The following UBXN8 variants were observed in gnomAD, a reference collection of about 807,000 sequenced individuals.
The protein encoded by UBXN8 is UBX domain protein 8.
UBXN8 carries 27 observed loss-of-function variants against 32.1 expected under a neutral mutation model. The observed-to-expected ratio is 0.84, with a 90% CI of 0.62 to 1.16. The LOEUF is 1.16. Among genes scored for constraint, UBXN8 ranks in the 50% most tolerant of loss-of-function variants. The pLI is 0.00. For missense variants in UBXN8, 306 were observed against 311.4 expected (o/e 0.98, Z 0.13); for synonymous variants, 109 against 111.8 (o/e 0.98, Z 0.16).
chr8:30,763,110 T>G (rs931500644), intron 6 of UBXN8, 163 bp from the exon 7 acceptor site: 2 of 654,582 alleles, frequency 3.1e-6, no homozygotes, highest in Admixed American at 5.6e-5. Context: ...CCTCCCAAAG[T>G]CCTGGGATTA....
chr8:30,757,453 G>T (rs1404384589), intron 5 of UBXN8, among the ~76,000 whole-genome samples: 3 of 152,132 alleles, frequency 2.0e-5, no homozygotes, highest in African/African-American at 7.2e-5. Flanking sequence ...TGAGGAGGCT[G>T]AGACAGGAGA....
At chr8:30,756,663 A>G in intron 4 of UBXN8, 102 bp from the exon 5 acceptor site, 1 of 1,505,822 alleles carries the variant, frequency 6.6e-7, no homozygotes, top group Non-Finnish European at 8.9e-7. Flanking sequence ...TTTTCTACTG[A>G]TATGCCATCA....
At chr8:30,764,155 T>A (rs1013447488) in intron 7 of UBXN8, among the ~76,000 whole-genome samples, 1 of 152,234 alleles carries the variant, frequency 6.6e-6, no homozygotes, top group African/African-American at 2.4e-5. Context: ...TATAATTATG[T>A]GTGCATTAAA....
intron 6 of UBXN8, among the ~76,000 whole-genome samples, chr8:30,762,381 GT>G (rs869101859): frequency 1.2e-5 from 1 of 83,072 alleles, no homozygotes; most frequent in African/African-American, 3.3e-5. Flanking sequence ...TGATGGGAAA[GT>G]TTTTTGTTTT....
intron 1 of UBXN8, among the ~76,000 whole-genome samples, chr8:30,748,258 T>A (rs1464474650): frequency 2.0e-5 from 3 of 151,768 alleles, no homozygotes; most frequent in African/African-American, 7.3e-5. Context: ...CCTGAGTAGC[T>A]GGGACTACAG....
At chr8:30,733,328 C>G (rs917940029) in intron 1 of UBXN8, 4 of 152,244 alleles carry the variant, frequency 2.6e-5, no homozygotes, top group African/African-American at 9.6e-5. Context: ...TAAACATTTA[C>G]ACTGACTCTT....
chr8:30,733,539 G>A (rs748486786), intron 1 of UBXN8, among the ~76,000 whole-genome samples: 1 of 152,158 alleles, frequency 6.6e-6, no homozygotes, highest in Admixed American at 6.5e-5. Flanking sequence ...GAATTCCCAC[G>A]CTGACTTAGA....
chr8:30,740,755 T>G (rs1805181581), upstream of UBXN8, among the ~76,000 whole-genome samples: 1 of 151,776 alleles, frequency 6.6e-6, no homozygotes, highest in Non-Finnish European at 1.5e-5. Flanking sequence ...AACTTACAGC[T>G]TAACAATCAC....
intron 5 of UBXN8, among the ~76,000 whole-genome samples, chr8:30,757,603 G>C (rs965420725): frequency 6.6e-6 from 1 of 151,532 alleles, no homozygotes; most frequent in African/African-American, 2.4e-5. Context: ...GCTCATGCCT[G>C]TAATCCCAGT....
chr8:30,754,926 C>CACAA, intron 4 of UBXN8, 139 bp downstream of exon 4: 1 of 938,078 alleles, frequency 1.1e-6, no homozygotes. Context: ...GTTCAGCATA[C>CACAA]TTGTTTATTA....
Position 30,754,714 on chromosome 8 carries a change from T to A in UBXN8, c.332T>A (p.Leu111Ter), listed in dbSNP as rs776672668. Reference sequence around the variant, plus strand: ...TTAAAACCTCACCAGGAAATGAAATTGAGAAAACTGGAGGAGCGCTTTTAT... The same window carrying A: ...TTAAAACCTCACCAGGAAATGAAATAGAGAAAACTGGAGGAGCGCTTTTAT... ...NVLKPHQEMK[L>*]RKLEERFYQM... Residue 111 changes from leucine (L) to a stop codon, truncating the protein, a stop_gained, in exon 4 of 8, where the codon TTG (leucine) becomes TAG (stop). Coordinates refer to ENST00000265616, the MANE Select transcript of UBXN8 (RefSeq NM_005671.4). LOFTEE classifies it high-confidence loss of function. The A allele has an allele frequency of 6.4e-7, 1 of 1,562,764 alleles. No individual in the cohort carries two copies. Among genetic ancestry groups the A allele is most frequent in the Non-Finnish European group, 8.6e-7 (1 of 1,164,748 alleles).
At chr8:30,757,831 G>C (rs1256656763) in intron 5 of UBXN8, among the ~76,000 whole-genome samples, 2 of 148,222 alleles carry the variant, frequency 1.3e-5, no homozygotes, top group Non-Finnish European at 3.0e-5. Context: ...CTGCACTCCA[G>C]CCTGCGCGAC....
chr8:30,763,910 G>C (rs1236749096), intron 7 of UBXN8, among the ~76,000 whole-genome samples: 2 of 152,140 alleles, frequency 1.3e-5, no homozygotes, highest in African/African-American at 4.8e-5. Flanking sequence ...AGAATCACTT[G>C]AACCTGGGAG....
intron 1 of UBXN8, among the ~76,000 whole-genome samples, chr8:30,737,235 T>C (rs1239353431): frequency 6.6e-6 from 1 of 152,108 alleles, no homozygotes; most frequent in Non-Finnish European, 1.5e-5. Context: ...TGTTACCTTC[T>C]GCTTTTTGGC....
At chr8:30,758,936 C>T (rs1272568138) in intron 5 of UBXN8, among the ~76,000 whole-genome samples, 9 of 145,408 alleles carry the variant, frequency 6.2e-5, no homozygotes, top group African/African-American at 2.3e-4. Flanking sequence ...CTTTGTCACC[C>T]AGGCTGGAGT....
chr8:30,753,136 T>C (rs768607927), intron 3 of UBXN8, 31 bp downstream of exon 3: 9 of 1,460,196 alleles, frequency 6.2e-6, no homozygotes, highest in Non-Finnish European at 7.2e-6. Flanking sequence ...ACTTTATGCG[T>C]AGAGAAATAC....
intron 5 of UBXN8, among the ~76,000 whole-genome samples, chr8:30,759,115 G>A (rs1019882481): frequency 4.0e-5 from 6 of 150,994 alleles, no homozygotes; most frequent in African/African-American, 7.3e-5. Flanking sequence ...GGATGGTCTC[G>A]ATCTCCTGAC....
Position 30,745,346 on chromosome 8 carries a change from C to G in UBXN8, c.88+1069C>G, listed in dbSNP as rs557147005. Among the ~76,000 whole-genome samples the G allele has an allele frequency of 2.4e-3, 365 of 152,196 alleles. 6 individuals carry two copies. In the Middle Eastern group the frequency reaches 0.037, roughly 16 times the overall value. ...GAGCAAACCTAGGTATTTGGTAGTG[C>G]TACTGGTAAAGGGGAAATGGAAAGA... is the stretch of plus-strand genomic sequence containing the variant. On this transcript the variant is annotated intron_variant, in intron 1 of 7. Coordinates refer to ENST00000265616, the MANE Select transcript of UBXN8 (RefSeq NM_005671.4).
At position 30,747,069 on chromosome 8, in the gene UBXN8, C is replaced by T. The variant is rs1347681004; in HGVS notation, c.88+2792C>T. On this transcript the variant is annotated intron_variant, in intron 1 of 7. Transcript: ENST00000265616. Reference sequence around the variant, plus strand: ...TCTTGGGAGGCTGAGGCAGGAGAATCGCTGGAACCCGGGAGGTGGAGGTTG... The same window carrying T: ...TCTTGGGAGGCTGAGGCAGGAGAATTGCTGGAACCCGGGAGGTGGAGGTTG... Among the ~76,000 whole-genome samples, 5 of 137,616 alleles carry T rather than the reference C, an allele frequency of 3.6e-5. 1 individual carries two copies. The highest frequency in any genetic ancestry group is 8.5e-5 in the African/African-American group (3 of 35,454). The allele number at this position is 137,616 out of a possible 152,430, so 90.3% of individuals were successfully genotyped here.
Sources: gnomAD v4.1 joint callset for allele counts (sites outside exome capture counted in the v4.1 genomes callset) on GRCh38, gnomAD v4.1.1 for gene constraint, MANE v1.5 for transcripts, NCBI Gene and HGNC (gene_info 2026-07-23, HGNC 2026-07-21) for gene names.